Variants in DENND1A observed in about 807,000 individuals in gnomAD.
DENND1A encodes the protein DENN domain-containing protein 1A.
DENND1A carries 51 observed loss-of-function variants against 113.7 expected under a neutral mutation model. The observed-to-expected ratio is 0.45, with a 90% CI of 0.36 to 0.57. The LOEUF is 0.57. Ranked by LOEUF, DENND1A falls within the 20% of genes least tolerant of loss-of-function variation. The probability of loss-of-function intolerance (pLI) is 0.00; values close to 1 mark genes in which losing one functional copy is unlikely to be tolerated. For synonymous variants in DENND1A, 565 were observed against 570.8 expected, an observed-to-expected ratio of 0.99 and a Z score of 0.14; for missense variants, 1,258 against 1,395.9, an observed-to-expected ratio of 0.90 and a Z score of 1.57.
chr9:123,485,192 T>C (rs76167937), intron 13 of DENND1A, among the ~76,000 whole-genome samples: 4,176 of 152,290 alleles, frequency 0.027, 97 homozygotes, highest in Non-Finnish European at 0.035. Context: ...AACATGTCTC[T>C]TGAAATCAGA....
At chr9:123,597,692 T>C (rs1479096359) in intron 11 of DENND1A, among the ~76,000 whole-genome samples, 4 of 152,132 alleles carry the variant, frequency 2.6e-5, no homozygotes, top group Admixed American at 2.6e-4. Context: ...CATTTAGCAA[T>C]AGGTAATATT....
chr9:123,559,492 T>C (rs147880354), intron 12 of DENND1A, among the ~76,000 whole-genome samples: 1 of 152,224 alleles, frequency 6.6e-6, no homozygotes, highest in Non-Finnish European at 1.5e-5. Context: ...GGGCGCAGGA[T>C]CCACAGCTTT....
At chr9:123,401,545 C>T in intron 21 of DENND1A, 1 of 1,355,600 alleles carries the variant, frequency 7.4e-7, no homozygotes, top group South Asian at 1.7e-5. Flanking sequence ...GAAAACCTGT[C>T]ATTTGTTTTC....
intron 2 of DENND1A, among the ~76,000 whole-genome samples, chr9:123,856,861 T>G (rs1294171458): frequency 6.6e-6 from 1 of 151,998 alleles, no homozygotes; most frequent in Non-Finnish European, 1.5e-5. Context: ...AAGGGATTAA[T>G]AAGTAAATAT....
At chr9:123,865,641 ACT>A (rs949959514) in intron 2 of DENND1A, among the ~76,000 whole-genome samples, 39 of 152,058 alleles carry the variant, frequency 2.6e-4, no homozygotes, top group African/African-American at 8.7e-4. Context: ...ACTGAGAGAA[ACT>A]CTGTGCCATG....
At chr9:123,873,077 T>C (rs1448812756) in intron 2 of DENND1A, among the ~76,000 whole-genome samples, 3 of 152,202 alleles carry the variant, frequency 2.0e-5, no homozygotes, top group African/African-American at 7.2e-5. Context: ...GCAGATTCTT[T>C]GTAATCATCT....
chr9:123,507,983 C>T (rs1480431399), intron 13 of DENND1A, among the ~76,000 whole-genome samples: 1 of 152,138 alleles, frequency 6.6e-6, no homozygotes, highest in African/African-American at 2.4e-5. Context: ...TGCTTTTTAT[C>T]TTTCAAGTTC....
intron 1 of DENND1A, among the ~76,000 whole-genome samples, chr9:123,893,710 A>G (rs1384988183): frequency 1.3e-5 from 2 of 152,242 alleles, no homozygotes; most frequent in African/African-American, 4.8e-5. Flanking sequence ...AGAATCTTCT[A>G]GAAATTGAAT....
At chr9:123,705,655 A>T (rs982711453) in intron 5 of DENND1A, among the ~76,000 whole-genome samples, 2 of 152,222 alleles carry the variant, frequency 1.3e-5, no homozygotes, top group African/African-American at 2.4e-5. Context: ...GTGTTTTTAA[A>T]AGATATTAAA....
chr9:123,862,002 C>T (rs1383841103), intron 2 of DENND1A, among the ~76,000 whole-genome samples: 1 of 152,212 alleles, frequency 6.6e-6, no homozygotes, highest in East Asian at 1.9e-4. Context: ...TACCATACTA[C>T]ACAGGCTCTT....
At chr9:123,480,254 C>A (rs1195797925) in intron 13 of DENND1A, among the ~76,000 whole-genome samples, 1 of 152,148 alleles carries the variant, frequency 6.6e-6, no homozygotes, top group Non-Finnish European at 1.5e-5. Context: ...TCTCGACACT[C>A]CCGAGAGACC....
chr9:123,650,453 T>C (rs756619934), intron 9 of DENND1A, among the ~76,000 whole-genome samples: 1 of 152,188 alleles, frequency 6.6e-6, no homozygotes, highest in Admixed American at 6.5e-5. Context: ...TCTCCACTTA[T>C]AAAAATATTT....
At chr9:123,538,220 T>C (rs1589038473) in intron 13 of DENND1A, among the ~76,000 whole-genome samples, 1 of 152,194 alleles carries the variant, frequency 6.6e-6, no homozygotes, top group African/African-American at 2.4e-5. Flanking sequence ...AATTTTCATA[T>C]GGGAGAGAGG....
chr9:123,518,071 A>G (rs1359077326), intron 13 of DENND1A, among the ~76,000 whole-genome samples: 1 of 152,176 alleles, frequency 6.6e-6, no homozygotes, highest in Non-Finnish European at 1.5e-5. Flanking sequence ...TCTTGTTATT[A>G]CAAGAAGAGA....
At chr9:123,581,080 G>C (rs2058866881) in intron 12 of DENND1A, among the ~76,000 whole-genome samples, 2 of 150,368 alleles carry the variant, frequency 1.3e-5, no homozygotes, top group South Asian at 2.1e-4. Flanking sequence ...TAGTAGGGCA[G>C]AGGGGCCATG....
In DENND1A at chr9:123,745,984, A is replaced by G. The variant is rs139505082; in HGVS notation, c.302+11719T>C. Among the ~76,000 whole-genome samples the G allele has an allele frequency of 3.5e-4, 53 of 152,350 alleles. No individual in the cohort carries two copies. The East Asian group carries it at 9.2e-3, about 27-fold the overall frequency. On this transcript the variant is annotated intron_variant, in intron 5 of 23. Transcript: ENST00000394215. ...CATAATGCAACTCACAGAGTTCAAAACCAAACAAAGCTATACTATACTATT... is the reference window on the plus strand; with the variant it reads ...CATAATGCAACTCACAGAGTTCAAAGCCAAACAAAGCTATACTATACTATT...
intron 11 of DENND1A, among the ~76,000 whole-genome samples, chr9:123,597,302 C>T (rs769369462): frequency 6.6e-6 from 1 of 152,186 alleles, no homozygotes; most frequent in African/African-American, 2.4e-5. Context: ...TCAGAGTGAA[C>T]TTATCTTGCG....
At chr9:123,543,404 G>A (rs567359947) in intron 13 of DENND1A, among the ~76,000 whole-genome samples, 89 of 152,224 alleles carry the variant, frequency 5.8e-4, no homozygotes, top group Non-Finnish European at 1.1e-3. Flanking sequence ...GATGTAAAGT[G>A]TAACAATTCC....
intron 2 of DENND1A, among the ~76,000 whole-genome samples, chr9:123,795,775 A>G (rs1380619096): frequency 6.6e-6 from 1 of 152,184 alleles, no homozygotes; most frequent in Non-Finnish European, 1.5e-5. Flanking sequence ...ACCTTCTCAC[A>G]TTCATAAGTT....
Sources: gnomAD v4.1 joint callset for allele counts (sites outside exome capture counted in the v4.1 genomes callset) on GRCh38, gnomAD v4.1.1 for gene constraint, MANE v1.5 for transcripts, NCBI Gene and HGNC (gene_info 2026-07-23, HGNC 2026-07-21) for gene names.